CSMD1: variants seen among roughly 807,000 people sequenced by gnomAD.
CSMD1 encodes the protein CUB and Sushi multiple domains 1, also known as CUB and sushi domain-containing protein 1.
A neutral mutation model predicts 417.5 loss-of-function variants in CSMD1; 213 were observed. The ratio of observed to expected loss-of-function variants is 0.51; its 90% CI spans 0.46 to 0.57. CSMD1 has a LOEUF of 0.57. CSMD1 is among the 20% of genes least tolerant of loss of function. The pLI is 0.00. For missense variants in CSMD1, 6,923 were observed against 4,529.7 expected (o/e 1.53, Z -15.17); for synonymous variants, 2,862 against 1,736.8 (o/e 1.65, Z -16.11).
chr8:4,110,803 T>C (rs185111260), intron 3 of CSMD1, among the ~76,000 whole-genome samples: 119 of 152,268 alleles, frequency 7.8e-4, no homozygotes, highest in African/African-American at 2.8e-3. Flanking sequence ...AATATGTATG[T>C]TTTTAAATGT....
At chr8:4,544,435 A>G (rs1007959474) in intron 2 of CSMD1, among the ~76,000 whole-genome samples, 15 of 152,232 alleles carry the variant, frequency 9.9e-5, no homozygotes, top group Admixed American at 9.8e-4. Flanking sequence ...ATTTTGTAAT[A>G]GTTATATGTA....
intron 1 of CSMD1, among the ~76,000 whole-genome samples, chr8:4,966,752 C>T (rs1400751167): frequency 6.6e-6 from 1 of 152,142 alleles, no homozygotes; most frequent in Admixed American, 6.5e-5. Context: ...TTGGATTTAA[C>T]ATGTGTCTTA....
chr8:4,044,934 C>G (rs1798074083), intron 3 of CSMD1, among the ~76,000 whole-genome samples: 1 of 140,586 alleles, frequency 7.1e-6, no homozygotes, highest in African/African-American at 2.6e-5. Flanking sequence ...AAAAATGTCC[C>G]CATGGCATCT....
rs114614357 is a variant in CSMD1 at position 3,958,819 on chromosome 8, G to A, written c.818+39084C>T. On this transcript the variant is annotated intron_variant, in intron 5 of 69. Coordinates refer to ENST00000635120, the MANE Select transcript of CSMD1 (RefSeq NM_033225.6). ...GCTTTATCTATGATACACATCAGGA[G>A]GATCTGCAGAGGAAATTGTGTAGTA... Among the ~76,000 whole-genome samples the A allele has an allele frequency of 4.0e-3, 616 of 152,300 alleles. 7 individuals carry two copies. The highest frequency in any genetic ancestry group is 0.014 in the African/African-American group (594 of 41,562).
At chr8:4,393,869 G>A (rs767176031) in intron 3 of CSMD1, among the ~76,000 whole-genome samples, 5 of 152,116 alleles carry the variant, frequency 3.3e-5, no homozygotes, top group East Asian at 1.9e-4. Context: ...TGGAGCACAC[G>A]GAACAACCAT....
chr8:3,427,879 G>C (rs1813955965), intron 12 of CSMD1, among the ~76,000 whole-genome samples: 2 of 152,228 alleles, frequency 1.3e-5, no homozygotes, highest in Admixed American at 1.3e-4. Context: ...AATGTGTAAT[G>C]TTAGCATCAG....
chr8:4,020,315 C>T lies in CSMD1; in HGVS notation c.610+11590G>A, dbSNP rs555616464. Among the ~76,000 whole-genome samples the T allele has an allele frequency of 3.3e-5, 5 of 152,318 alleles. No homozygotes were observed. The East Asian group carries it at 5.8e-4, about 18-fold the overall frequency. ...AGAGCTGCTGAACAAGCTGTTTCACCACGACAAGCACTTTAATCCCCTTCT... is the reference window on the plus strand; with the variant it reads ...AGAGCTGCTGAACAAGCTGTTTCACTACGACAAGCACTTTAATCCCCTTCT... On this transcript the variant is annotated intron_variant, in intron 4 of 69. Coordinates refer to ENST00000635120, the MANE Select transcript of CSMD1 (RefSeq NM_033225.6).
chr8:3,296,808 G>C (rs1331388626), intron 25 of CSMD1, among the ~76,000 whole-genome samples: 1 of 152,148 alleles, frequency 6.6e-6, no homozygotes, highest in Non-Finnish European at 1.5e-5. Flanking sequence ...AAACGGTGCA[G>C]TATGTTTATG....
chr8:3,693,239 G>A (rs1041275034), intron 7 of CSMD1, among the ~76,000 whole-genome samples: 3 of 152,142 alleles, frequency 2.0e-5, no homozygotes, highest in Admixed American at 6.6e-5. Context: ...GGCATAATAT[G>A]TTCTGGGTAT....
intron 52 of CSMD1, among the ~76,000 whole-genome samples, chr8:3,001,792 C>A (rs1807427581): frequency 6.6e-6 from 1 of 152,340 alleles, no homozygotes; most frequent in South Asian, 2.1e-4. Context: ...ATTTCCCCAA[C>A]AGGGAACACA....
intron 10 of CSMD1, among the ~76,000 whole-genome samples, chr8:3,531,398 T>C (rs1246928722): frequency 1.3e-5 from 2 of 152,166 alleles, no homozygotes; most frequent in Admixed American, 6.5e-5. Context: ...GAATCTGGAA[T>C]TATAAAACAC....
At position 3,796,353 on chromosome 8, in the gene CSMD1, G is replaced by GTA. The variant is rs2129070344; in HGVS notation, c.819-42313_819-42312dup. Among the ~76,000 whole-genome samples, 2 of 113,098 alleles carry GTA rather than the reference G, an allele frequency of 1.8e-5. 1 individual carries two copies. Among genetic ancestry groups the GTA allele is most frequent in the African/African-American group, 6.6e-5 (2 of 30,484 alleles). 74.2% of individuals were successfully genotyped at this position (113,098 alleles called of 152,430 possible). ...ATAGATATAGATATATATCTATCAT[G>GTA]TATAGATATAGATATCTATCATGTA... On this transcript the variant is annotated intron_variant, in intron 5 of 69. Transcript: ENST00000635120.
At chr8:4,642,387 C>G (rs531288232) in intron 1 of CSMD1, among the ~76,000 whole-genome samples, 24 of 152,302 alleles carry the variant, frequency 1.6e-4, no homozygotes, top group African/African-American at 5.8e-4. Context: ...TCTGAACACC[C>G]CCCTACAGTT....
At chr8:3,425,041 T>A (rs1225089231) in intron 12 of CSMD1, among the ~76,000 whole-genome samples, 1 of 152,120 alleles carries the variant, frequency 6.6e-6, no homozygotes, top group Admixed American at 6.6e-5. Flanking sequence ...GGTCTCACTA[T>A]GTTGACCAGC....
chr8:3,961,446 CA>C (rs1812313173), intron 5 of CSMD1, among the ~76,000 whole-genome samples: 1 of 152,114 alleles, frequency 6.6e-6, no homozygotes, highest in African/African-American at 2.4e-5. Flanking sequence ...TGATCTTTGA[CA>C]CAGATTTAAA....
chr8:4,127,195 T>C (rs1802814578), intron 3 of CSMD1, among the ~76,000 whole-genome samples: 1 of 151,736 alleles, frequency 6.6e-6, no homozygotes, highest in East Asian at 1.9e-4. Context: ...TCCCTGGAGG[T>C]GGCTGTCCGG....
At chr8:3,022,419 C>T (rs968664306) in intron 51 of CSMD1, among the ~76,000 whole-genome samples, 4 of 152,198 alleles carry the variant, frequency 2.6e-5, no homozygotes, top group Admixed American at 1.3e-4. Context: ...AATCCCACAT[C>T]GACAGCGTGT....
At chr8:3,308,281 TG>T (rs758643675) in intron 24 of CSMD1, 30 bp downstream of exon 24, 1 of 1,568,826 alleles carries the variant, frequency 6.4e-7, no homozygotes, top group East Asian at 2.3e-5. Flanking sequence ...GCCTGGCTTT[TG>T]CACAATGGTA....
In CSMD1 at chr8:3,181,170, A is replaced by G. The variant is rs1821298702; in HGVS notation, c.5665T>C (p.Tyr1889His). The part of the protein sequence containing the change: ...ALLNSTSNQL[Y>H]LHFQSDISVA... The stretch of plus-strand genomic sequence containing the variant: ...CTAATGTCAGACTGGAAATGCAGGT[A>G]GAGTTGGTTGGAAGTACTGTTCAGC... The change falls in exon 37 of 70, where the codon TAC becomes CAC. Residue 1889 changes from tyrosine (Y) to histidine (H), a missense_variant. By Grantham distance (83) the Tyr-to-His change is moderately conservative. Transcript: ENST00000635120. The G allele has an allele frequency of 1.2e-6, 2 of 1,613,764 alleles. No individual in the cohort carries two copies. The highest frequency in any genetic ancestry group is 1.7e-6 in the Non-Finnish European group (2 of 1,179,700).
Sources: gnomAD v4.1 joint callset for allele counts (sites outside exome capture counted in the v4.1 genomes callset) on GRCh38, gnomAD v4.1.1 for gene constraint, MANE v1.5 for transcripts, NCBI Gene and HGNC (gene_info 2026-07-23, HGNC 2026-07-21) for gene names.